The following PCSK5 variants were observed in gnomAD, a reference collection of about 807,000 sequenced individuals.
The protein encoded by PCSK5 is proprotein convertase subtilisin/kexin type 5.
PCSK5 carries 129 observed loss-of-function variants against 233.2 expected under a neutral mutation model. The observed-to-expected ratio is 0.55, with a 90% CI of 0.48 to 0.64. The LOEUF is 0.64. Among genes scored for constraint, PCSK5 ranks in the 30% least tolerant of loss-of-function variants. The pLI is 0.00. For synonymous variants in PCSK5, 825 were observed against 879.2 expected (o/e 0.94, Z 1.09); for missense variants, 2,076 against 2,430.1 (o/e 0.85, Z 3.06).
chr9:75,893,826 G>A (rs1224365637), intron 1 of PCSK5, among the ~76,000 whole-genome samples: 1 of 152,200 alleles, frequency 6.6e-6, no homozygotes, highest in East Asian at 1.9e-4. Flanking sequence ...CCTTGAACCA[G>A]TGTAAAAAGA....
At chr9:76,063,942 C>T (rs1174996119) in intron 5 of PCSK5, among the ~76,000 whole-genome samples, 1 of 51,378 alleles carries the variant, frequency 1.9e-5, no homozygotes, top group African/African-American at 1.5e-4. Context: ...AGACGGGGCG[C>T]CTGGCCGGGC....
chr9:76,351,055 T>C (rs1380250000), intron 36 of PCSK5, 127 bp downstream of exon 36: 2 of 590,114 alleles, frequency 3.4e-6, no homozygotes, highest in African/African-American at 3.8e-5. Context: ...AGTGTATGTT[T>C]AGTATTTTAA....
chr9:76,349,273 CAAAAA>C (rs71372068), intron 35 of PCSK5, among the ~76,000 whole-genome samples: 17 of 66,514 alleles, frequency 2.6e-4, no homozygotes, highest in East Asian at 2.3e-3. Flanking sequence ...GACTCTGTCT[CAAAAA>C]AAAAAAAAAA....
chr9:76,286,777 G>A (rs997282760), intron 24 of PCSK5: 9 of 160,522 alleles, frequency 5.6e-5, no homozygotes, highest in Admixed American at 1.3e-4. Flanking sequence ...AAGAGCTCCC[G>A]GCAGTACTGG....
Position 76,310,692 on chromosome 9 carries a change from GT to G in PCSK5, c.3726del (p.Gln1244LysfsTer7), listed in dbSNP as rs754810186. On this transcript the variant is annotated frameshift_variant, in exon 30 of 38. Coordinates refer to ENST00000674117, the MANE Select transcript of PCSK5 (RefSeq NM_001372043.1). LOFTEE classifies it high-confidence loss of function. ...YLLAQACVSSCPQGTWPSVRS... is the reference protein window; with the variant it reads ...YLLAQACVSSXPQGTWPSVRS... ...CTGGCTCAGGCCTGTGTTTCCTCCT[GT>G]CCCCAAGGCACATGGCCTTCCGTAA... The G allele has an allele frequency of 4.4e-6, 7 of 1,603,168 alleles. No homozygotes were observed. The highest frequency in any genetic ancestry group is 5.1e-6 in the Non-Finnish European group (6 of 1,176,632).
At chr9:76,196,322 G>A (rs1396245123) in intron 20 of PCSK5, among the ~76,000 whole-genome samples, 1 of 152,236 alleles carries the variant, frequency 6.6e-6, no homozygotes, top group Non-Finnish European at 1.5e-5. Context: ...CTGTTAAAGA[G>A]GAAGGTGGCT....
chr9:75,932,430 A>AG lies in PCSK5; in HGVS notation c.246dup (p.Ser83ValfsTer35), dbSNP rs745476483. 6.2e-7 allele frequency: 1 copy of AG among 1,613,728 alleles called. No homozygotes were observed. Among genetic ancestry groups the AG allele is most frequent in the Non-Finnish European group, 8.5e-7 (1 of 1,179,592 alleles). ...CTTCTACCATAGCAGGACGATTAAAAGGTCAGTTATCTCGAGCAGAGGGAC... is the reference window on the plus strand; with the variant it reads ...CTTCTACCATAGCAGGACGATTAAAAGGGTCAGTTATCTCGAGCAGAGGGAC... On this transcript the variant is annotated frameshift_variant, in exon 2 of 38. Coordinates refer to ENST00000674117, the MANE Select transcript of PCSK5 (RefSeq NM_001372043.1). LOFTEE classifies it high-confidence loss of function.
At chr9:75,894,783 C>G (rs952183307) in intron 1 of PCSK5, among the ~76,000 whole-genome samples, 3 of 152,080 alleles carry the variant, frequency 2.0e-5, no homozygotes, top group Non-Finnish European at 2.9e-5. Flanking sequence ...GAGGGAGAAG[C>G]CTTTGTCCTC....
At chr9:75,929,219 C>T (rs935937796) in intron 1 of PCSK5, among the ~76,000 whole-genome samples, 2 of 152,258 alleles carry the variant, frequency 1.3e-5, no homozygotes, top group South Asian at 2.1e-4. Flanking sequence ...AGGCGTGAGC[C>T]GCCGTGCACA....
intron 24 of PCSK5, among the ~76,000 whole-genome samples, chr9:76,247,068 G>A (rs963650100): frequency 3.9e-5 from 6 of 152,218 alleles, no homozygotes; most frequent in African/African-American, 1.4e-4. Flanking sequence ...CTAGTGTTCA[G>A]CTCGATTAGG....
intron 5 of PCSK5, among the ~76,000 whole-genome samples, chr9:76,050,025 T>C (rs571595806): frequency 6.6e-6 from 1 of 152,350 alleles, no homozygotes; most frequent in South Asian, 2.1e-4. Context: ...ACAGAATTTA[T>C]TGAAACTATG....
At chr9:76,035,622 TCA>T (rs895206706) in intron 5 of PCSK5, among the ~76,000 whole-genome samples, 9 of 142,168 alleles carry the variant, frequency 6.3e-5, no homozygotes, top group Admixed American at 4.2e-4. Context: ...AGAAACAGAC[TCA>T]CAAATTCCTG....
chr9:75,977,593 T>C (rs866507690), intron 2 of PCSK5, among the ~76,000 whole-genome samples: 4 of 150,174 alleles, frequency 2.7e-5, no homozygotes, highest in South Asian at 4.3e-4. Context: ...TCTCAAAAGA[T>C]AAAAATATGT....
At chr9:76,084,380 T>C (rs910808618) in intron 7 of PCSK5, among the ~76,000 whole-genome samples, 1 of 152,220 alleles carries the variant, frequency 6.6e-6, no homozygotes, top group Non-Finnish European at 1.5e-5. Context: ...ATTTTTATTA[T>C]CATCTTGTTT....
intron 28 of PCSK5, 102 bp from the exon 29 acceptor site, chr9:76,308,543 G>T: frequency 1.4e-6 from 1 of 714,714 alleles, no homozygotes; most frequent in Non-Finnish European, 2.5e-6. Flanking sequence ...TCCATCTGGG[G>T]CAGGAAAAGA....
At chr9:76,099,616 G>C (rs1252041350) in intron 8 of PCSK5, among the ~76,000 whole-genome samples, 1 of 152,198 alleles carries the variant, frequency 6.6e-6, no homozygotes, top group Non-Finnish European at 1.5e-5. Context: ...GGAGTTGGCA[G>C]TAACATCAGC....
At chr9:76,198,895 G>A (rs909271735) in intron 20 of PCSK5, among the ~76,000 whole-genome samples, 7 of 152,180 alleles carry the variant, frequency 4.6e-5, no homozygotes, top group African/African-American at 9.6e-5. Context: ...CACTAATCAC[G>A]TGCTAAGGTT....
chr9:76,199,274 A>ATACT (rs1231621736), intron 20 of PCSK5, among the ~76,000 whole-genome samples: 1 of 152,214 alleles, frequency 6.6e-6, no homozygotes, highest in Non-Finnish European at 1.5e-5. Context: ...ACCGTACTGA[A>ATACT]TACTGCATGC....
At chr9:75,892,338 G>C (rs4602965) in intron 1 of PCSK5, among the ~76,000 whole-genome samples, 56,884 of 152,146 alleles carry the variant, frequency 0.37, 11,261 homozygotes, top group African/African-American at 0.5. Context: ...CTCTTCCCCC[G>C]ACACCCCTGC....
Sources: gnomAD v4.1 joint callset for allele counts (sites outside exome capture counted in the v4.1 genomes callset) on GRCh38, gnomAD v4.1.1 for gene constraint, MANE v1.5 for transcripts, NCBI Gene and HGNC (gene_info 2026-07-23, HGNC 2026-07-21) for gene names.